The following LRBA variants were observed in gnomAD, a reference collection of about 807,000 sequenced individuals.
LRBA encodes the protein lipopolysaccharide-responsive and beige-like anchor protein.
In LRBA, 176 loss-of-function variants were observed where a neutral mutation model predicts 330.0. That is an observed-to-expected ratio of 0.53 (90% CI 0.47 to 0.60). The LOEUF is 0.60. Ranked by LOEUF, LRBA falls within the 20% of genes least tolerant of loss-of-function variation. The pLI is 0.00. For missense variants in LRBA, 3,259 were observed against 3,444.8 expected (o/e 0.95, Z 1.35); for synonymous variants, 1,230 against 1,193.0 (o/e 1.03, Z -0.64).
chr4:150,563,935 A>G (rs1299257643), intron 40 of LRBA, among the ~76,000 whole-genome samples: 1 of 152,194 alleles, frequency 6.6e-6, no homozygotes, highest in Admixed American at 6.5e-5. Flanking sequence ...GGAAGAATCA[A>G]TATCGTGAAA....
chr4:150,942,378 T>C (rs1735771524), intron 2 of LRBA, among the ~76,000 whole-genome samples: 1 of 152,232 alleles, frequency 6.6e-6, no homozygotes, highest in African/African-American at 2.4e-5. Context: ...TCTCTACAAT[T>C]GCCTTTCCTC....
At position 150,583,162 on chromosome 4, in the gene LRBA, G is replaced by A; in HGVS notation, c.6330+4886C>T. 6.2e-7 allele frequency: 1 copy of A among 1,614,234 alleles called. No individual in the cohort carries two copies. Among genetic ancestry groups the A allele is most frequent in the Non-Finnish European group, 8.5e-7 (1 of 1,180,022 alleles). ...GGTGGTCTCGGACGTGCTCAAGGAA[G>A]TGGAGGTGCAGGAGCCTCGCTTCAT... On this transcript the variant is annotated intron_variant, in intron 40 of 56. Coordinates refer to ENST00000651943, the MANE Select transcript of LRBA (RefSeq NM_001364905.1). This position sits in a 1 kb window ranked among gnomAD's most constrained non-coding sequence, Gnocchi z 9.8.
At chr4:150,649,327 C>T (rs1039270201) in intron 37 of LRBA, among the ~76,000 whole-genome samples, 1 of 152,128 alleles carries the variant, frequency 6.6e-6, no homozygotes, top group Non-Finnish European at 1.5e-5. Context: ...CCTGCCTATC[C>T]TTCTCATTTT....
At chr4:150,810,029 A>G (rs537638194) in intron 31 of LRBA, among the ~76,000 whole-genome samples, 3 of 152,298 alleles carry the variant, frequency 2.0e-5, no homozygotes, top group East Asian at 3.9e-4. Flanking sequence ...GGTAAGGCAA[A>G]TAAGGTTAAT....
intron 36 of LRBA, among the ~76,000 whole-genome samples, chr4:150,703,804 T>C (rs1785343992): frequency 6.6e-6 from 1 of 151,970 alleles, no homozygotes; most frequent in Non-Finnish European, 1.5e-5. Context: ...TAAAATGTGT[T>C]ATATTTGTAT....
At chr4:150,834,576 C>T (rs1228299717) in intron 28 of LRBA, among the ~76,000 whole-genome samples, 1 of 152,150 alleles carries the variant, frequency 6.6e-6, no homozygotes, top group Non-Finnish European at 1.5e-5. Flanking sequence ...TAAGCCATGT[C>T]GTAAGCAGAT....
rs1300420844 is a variant in LRBA, at chr4:150,813,223, AG to A, written c.5305+3900del. On this transcript the variant is annotated intron_variant, in intron 31 of 56. Coordinates refer to ENST00000651943, the MANE Select transcript of LRBA (RefSeq NM_001364905.1). ...GAAAAAAGAAAGGATACTGTATTCT[AG>A]GTAATCAGATCTTTGCTGATGACTA... 3.3e-5 allele frequency among the ~76,000 whole-genome samples: 5 copies of A among 151,998 alleles called. No homozygotes were observed. The South Asian group carries it at 6.2e-4, about 19-fold the overall frequency.
At chr4:150,976,305 C>G (rs1452564757) in intron 2 of LRBA, among the ~76,000 whole-genome samples, 1 of 151,936 alleles carries the variant, frequency 6.6e-6, no homozygotes, top group South Asian at 2.1e-4. Flanking sequence ...TAAACTCACA[C>G]GTCATACAAG....
At chr4:150,520,507 T>C (rs185277808) in intron 40 of LRBA, among the ~76,000 whole-genome samples, 1 of 152,344 alleles carries the variant, frequency 6.6e-6, no homozygotes, top group Admixed American at 6.5e-5. Flanking sequence ...TAAATTCATA[T>C]TTTTGAATTG....
chr4:150,745,592 T>G (rs1392623252), intron 35 of LRBA, among the ~76,000 whole-genome samples: 1 of 152,200 alleles, frequency 6.6e-6, no homozygotes, highest in Non-Finnish European at 1.5e-5. Flanking sequence ...CTCAGCTCAC[T>G]GCAACCTCTG....
At chr4:150,684,488 A>G (rs990770978) in intron 36 of LRBA, among the ~76,000 whole-genome samples, 2 of 152,184 alleles carry the variant, frequency 1.3e-5, no homozygotes, top group Admixed American at 1.3e-4. Flanking sequence ...CAGGCAATTT[A>G]TATACATCAA....
intron 37 of LRBA, among the ~76,000 whole-genome samples, chr4:150,645,185 G>A (rs1779011324): frequency 6.9e-6 from 1 of 144,124 alleles, no homozygotes. Flanking sequence ...ATGATTTTCC[G>A]CTAAGGGCAT....
At chr4:150,690,287 A>C (rs1784003938) in intron 36 of LRBA, among the ~76,000 whole-genome samples, 1 of 152,080 alleles carries the variant, frequency 6.6e-6, no homozygotes, top group Non-Finnish European at 1.5e-5. Context: ...GTAGATCACA[A>C]GGTCAGGAGA....
chr4:150,884,608 A>G (rs1453378094), intron 17 of LRBA, among the ~76,000 whole-genome samples: 2 of 152,202 alleles, frequency 1.3e-5, no homozygotes, highest in Admixed American at 1.3e-4. Flanking sequence ...GAAAAAGGGA[A>G]AAAGTAAAAA....
At chr4:150,717,739 T>C (rs1470545587) in intron 36 of LRBA, among the ~76,000 whole-genome samples, 1 of 149,722 alleles carries the variant, frequency 6.7e-6, no homozygotes, top group Non-Finnish European at 1.5e-5. Context: ...TAAAAAAAAA[T>C]ACTCCATTTT....
At chr4:150,462,619 T>C (rs1291880173) in intron 44 of LRBA, among the ~76,000 whole-genome samples, 1 of 151,754 alleles carries the variant, frequency 6.6e-6, no homozygotes, top group Admixed American at 6.6e-5. Context: ...GATTACCAAA[T>C]AAAATTGTAG....
At chr4:150,573,288 C>T (rs958624729) in intron 40 of LRBA, among the ~76,000 whole-genome samples, 1 of 152,138 alleles carries the variant, frequency 6.6e-6, no homozygotes, top group Non-Finnish European at 1.5e-5. Context: ...CCTTAAGCCA[C>T]GCTACTCATA....
At chr4:150,405,200 T>C (rs1746018130) in intron 47 of LRBA, among the ~76,000 whole-genome samples, 1 of 152,172 alleles carries the variant, frequency 6.6e-6, no homozygotes, top group African/African-American at 2.4e-5. Flanking sequence ...GGAATGTGGG[T>C]CATTTTAAGT....
chr4:150,669,628 C>T (rs967734137), intron 37 of LRBA, among the ~76,000 whole-genome samples: 1 of 151,626 alleles, frequency 6.6e-6, no homozygotes, highest in Non-Finnish European at 1.5e-5. Context: ...TGCAATGACA[C>T]GATTTCAGCT....
Sources: gnomAD v4.1 joint callset for allele counts (sites outside exome capture counted in the v4.1 genomes callset) on GRCh38, gnomAD v4.1.1 for gene constraint, Gnocchi (gnomAD v3.1) non-coding constraint, MANE v1.5 for transcripts, NCBI Gene and HGNC (gene_info 2026-07-23, HGNC 2026-07-21) for gene names.